The following RANBP3 variants were observed in gnomAD, a reference collection of about 807,000 sequenced individuals.
RANBP3 encodes ran-binding protein 3.
RANBP3 carries 14 observed loss-of-function variants against 77.3 expected under a neutral mutation model. The observed-to-expected ratio is 0.18, with a 90% CI of 0.12 to 0.28. The LOEUF (loss-of-function observed/expected upper bound fraction) is 0.28, where lower values mean the gene tolerates loss of function less well. RANBP3 is among the 10% of genes least tolerant of loss of function. The probability of loss-of-function intolerance (pLI) is 1.00; values close to 1 mark genes in which losing one functional copy is unlikely to be tolerated. For synonymous variants in RANBP3, 315 were observed against 312.4 expected, an observed-to-expected ratio of 1.01 and a Z score of -0.09; for missense variants, 586 against 752.3, an observed-to-expected ratio of 0.78 and a Z score of 2.59.
rs1028496294 is a variant in RANBP3, at chr19:5,932,457, T to G, written c.560A>C (p.Gln187Pro). Residue 187 changes from glutamine (Q) to proline (P), a missense_variant, in exon 7 of 17, where the codon CAG becomes CCG. Physicochemically the swap from Gln to Pro is moderately conservative, Grantham distance 76 (BLOSUM62 -1). This residue lies in a region of RANBP3 where 232 missense variants were observed against 271.7 expected (regional missense o/e 0.85). Transcript: ENST00000340578. ...CCAGGGCTGCTGTTTCTTACCAGTC[T>G]GGGACAGCGCCTTTGGCTGCGGAGC... ...LQAPQPKALS[Q>P]TVPSSGTNGV... 2 of 1,613,760 alleles carry G rather than the reference T, an allele frequency of 1.2e-6. No individual in the cohort carries two copies. Among genetic ancestry groups the G allele is most frequent in the South Asian group, 1.1e-5 (1 of 91,080 alleles).
chr19:5,933,250 G>T, intron 6 of RANBP3, 164 bp downstream of exon 6: 2 of 568,874 alleles, frequency 3.5e-6, no homozygotes, highest in Non-Finnish European at 6.1e-6. Flanking sequence ...CAACCTCCCT[G>T]CTCAGACAGC....
intron 1 of RANBP3, among the ~76,000 whole-genome samples, chr19:5,971,807 T>A (rs2058533662): frequency 1.3e-5 from 2 of 152,172 alleles, no homozygotes. Flanking sequence ...GGAGTCTGTA[T>A]AATAGGATTG....
chr19:5,935,202 C>T (rs1285680640), intron 5 of RANBP3, among the ~76,000 whole-genome samples: 3 of 152,204 alleles, frequency 2.0e-5, no homozygotes, highest in East Asian at 1.9e-4. Flanking sequence ...CGCTGTGCCC[C>T]GGAGGCGCCG....
chr19:5,949,300 T>C (rs568010555), intron 3 of RANBP3, among the ~76,000 whole-genome samples: 2 of 152,348 alleles, frequency 1.3e-5, no homozygotes, highest in South Asian at 2.1e-4. Flanking sequence ...TCGGGTTCCA[T>C]CTGACTTGAT....
Position 5,959,304 on chromosome 19 carries a change from G to A in RANBP3, c.23-1331C>T, listed in dbSNP as rs926486007. Among the ~76,000 whole-genome samples the A allele has an allele frequency of 6.6e-6, 1 of 152,098 alleles. No individual in the cohort carries two copies. Among genetic ancestry groups the A allele is most frequent in the South Asian group, 2.1e-4 (1 of 4,828 alleles). ...GAGAGTGGCTGTGGGGAGACCAGGT[G>A]GGTAGTGACTGAGGTGGAGAGAAAG... On this transcript the variant is annotated intron_variant, in intron 1 of 16. Transcript: ENST00000340578. This position sits in a 1 kb window ranked among gnomAD's most constrained non-coding sequence, Gnocchi z 5.1.
chr19:5,971,969 C>T (rs1418767645), intron 1 of RANBP3, among the ~76,000 whole-genome samples: 1 of 152,226 alleles, frequency 6.6e-6, no homozygotes, highest in Non-Finnish European at 1.5e-5. Context: ...TGCAAGAATG[C>T]AGGCCAAGGG....
chr19:5,970,641 T>C (rs1417999810), intron 1 of RANBP3, among the ~76,000 whole-genome samples: 1 of 152,064 alleles, frequency 6.6e-6, no homozygotes, highest in East Asian at 1.9e-4. Context: ...CCAGCCCCAA[T>C]GTCAAGAATA....
In RANBP3 at chr19:5,918,321, T is replaced by C. The variant is rs1425627541; in HGVS notation, c.1473+175A>G. The C allele has an allele frequency of 6.8e-6, 5 of 739,664 alleles. No individual in the cohort carries two copies. In the East Asian group the frequency reaches 1.1e-4, roughly 17 times the overall value. 45.8% of individuals were successfully genotyped at this position (739,664 alleles called of 1,614,324 possible). A position where few individuals can be genotyped will look rare whatever the true frequency, so the allele number is the denominator to read the frequency against. Reference sequence around the variant, plus strand: ...GTTGAGAAGAGGACAAGGACCATGATCTCTATTCCTGAAGGCTGGGACTGG... The same window carrying C: ...GTTGAGAAGAGGACAAGGACCATGACCTCTATTCCTGAAGGCTGGGACTGG... On this transcript the variant is annotated intron_variant, in intron 15 of 16. Transcript: ENST00000340578.
intron 15 of RANBP3, chr19:5,918,266 C>T (rs2057770587): frequency 1.6e-6 from 1 of 622,228 alleles, no homozygotes. Context: ...ACATCACAAC[C>T]CCTCAGCCAA....
intron 9 of RANBP3, among the ~76,000 whole-genome samples, chr19:5,927,707 C>T (rs1442065131): frequency 6.6e-6 from 1 of 152,210 alleles, no homozygotes; most frequent in African/African-American, 2.4e-5. Flanking sequence ...CCTGTCCCCG[C>T]TACCATGAGA....
intron 1 of RANBP3, among the ~76,000 whole-genome samples, chr19:5,969,869 T>C (rs374705087): frequency 5.9e-5 from 9 of 152,370 alleles, no homozygotes; most frequent in East Asian, 1.9e-4. Flanking sequence ...AGGGATATGA[T>C]GTCCATTGAG....
chr19:5,924,352 A>C lies in RANBP3; in HGVS notation c.997-438T>G, dbSNP rs1444055646. ...ACATGTGTAAAGAGGTAGGCAAACC[A>C]TTCTAGAACCCTCTCCCAGGCTGGC... On this transcript the variant is annotated intron_variant, in intron 11 of 16. Transcript: ENST00000340578. This position sits in a 1 kb window ranked among gnomAD's most constrained non-coding sequence, Gnocchi z 4.7. Among the ~76,000 whole-genome samples the C allele has an allele frequency of 1.3e-5, 2 of 152,224 alleles. No homozygotes were observed. The highest frequency in any genetic ancestry group is 2.9e-5 in the Non-Finnish European group (2 of 68,040).
Position 5,921,144 on chromosome 19 carries a change from T to C in RANBP3, c.1330+57A>G, listed in dbSNP as rs2057813730. ...CCGCTTCATTCCCTTTGGAATTGCA[T>C]AGTCCCCAGCCCTCCCCATGGGGAC... On this transcript the variant is annotated intron_variant, in intron 14 of 16. Transcript: ENST00000340578. The surrounding 1 kb of genome is among the most constrained non-coding windows in gnomAD (Gnocchi z 5.3). The C allele has an allele frequency of 1.9e-6, 3 of 1,566,526 alleles. No homozygotes were observed. Among genetic ancestry groups the C allele is most frequent in the Admixed American group, 1.8e-5 (1 of 57,004 alleles).
intron 7 of RANBP3, 46 bp downstream of exon 7, chr19:5,932,406 T>C: frequency 6.4e-7 from 1 of 1,553,044 alleles, no homozygotes; most frequent in South Asian, 1.1e-5. Flanking sequence ...TCGGGAACGC[T>C]CTACCCTGCC....
intron 1 of RANBP3, among the ~76,000 whole-genome samples, chr19:5,971,768 C>A (rs1273515800): frequency 6.6e-6 from 1 of 152,150 alleles, no homozygotes; most frequent in Non-Finnish European, 1.5e-5. Context: ...AGCTAAAGAG[C>A]ACTCTAAGTG....
intron 8 of RANBP3, 90 bp from the exon 9 acceptor site, chr19:5,928,177 A>C: frequency 1.4e-6 from 2 of 1,434,186 alleles, no homozygotes; most frequent in Non-Finnish European, 9.4e-7. Flanking sequence ...CAGATCATGT[A>C]CTCCACACGT....
intron 15 of RANBP3, 102 bp downstream of exon 15, chr19:5,918,394 C>T: frequency 2.3e-5 from 5 of 220,124 alleles, no homozygotes; most frequent in South Asian, 9.2e-5. Flanking sequence ...TGAAGCCCCT[C>T]CCCCCTCCCC....
intron 12 of RANBP3, 56 bp from the exon 13 acceptor site, chr19:5,923,359 C>T: frequency 1.3e-6 from 2 of 1,530,392 alleles, no homozygotes; most frequent in Admixed American, 1.7e-5. Flanking sequence ...GGAGAGCCAT[C>T]TCCCCTCATC....
chr19:5,949,044 C>T (rs1208734200), intron 3 of RANBP3, among the ~76,000 whole-genome samples: 2 of 152,072 alleles, frequency 1.3e-5, no homozygotes, highest in Admixed American at 6.6e-5. Context: ...TGGTAAGGGC[C>T]CTTTACAAGT....
Sources: gnomAD v4.1 joint callset for allele counts (sites outside exome capture counted in the v4.1 genomes callset) on GRCh38, gnomAD v4.1.1 for gene constraint, gnomAD v4.1.1 regional missense constraint, Gnocchi (gnomAD v3.1) non-coding constraint, MANE v1.5 for transcripts, NCBI Gene and HGNC (gene_info 2026-07-23, HGNC 2026-07-21) for gene names.